Variants in CLSTN1 observed in about 807,000 individuals in gnomAD.
CLSTN1 encodes the protein calsyntenin 1.
In CLSTN1, 28 loss-of-function variants were observed where a neutral mutation model predicts 108.3. The observed-to-expected ratio is 0.26, with a 90% CI of 0.19 to 0.35. The LOEUF (loss-of-function observed/expected upper bound fraction) is 0.35. Among genes scored for constraint, CLSTN1 ranks in the 10% least tolerant of loss-of-function variants. The pLI, the probability that CLSTN1 is intolerant of heterozygous loss-of-function variation, is 1.00. For synonymous variants in CLSTN1, 524 were observed against 534.9 expected (o/e 0.98, Z 0.28); for missense variants, 1,157 against 1,302.6 (o/e 0.89, Z 1.72).
In CLSTN1 at chr1:9,731,257, G is replaced by T; in HGVS notation, c.2697C>A (p.Asn899Lys). The change falls in exon 18 of 19, where the codon AAC becomes AAA. Residue 899 changes from asparagine to lysine, a missense_variant. Transcript: ENST00000377298. ...GGGCAGAGTCGTCCCAGTCCATCTCGTTCTCCTTCCCGGTGTCCTGATCCC... is the reference window on the plus strand; with the variant it reads ...GGGCAGAGTCGTCCCAGTCCATCTCTTTCTCCTTCCCGGTGTCCTGATCCC... ...TMRDQDTGKE[N>K]EMDWDDSALT... 6.2e-7 allele frequency: 1 copy of T among 1,614,216 alleles called. No homozygotes were observed. Among genetic ancestry groups the T allele is most frequent in the Non-Finnish European group, 8.5e-7 (1 of 1,180,050 alleles).
rs189528724 is a variant in CLSTN1, at chr1:9,816,110, T to C, written c.91+7533A>G. ...AGCTACAAAGTGGAAATAACCCAAA[T>C]GTCCATCAGTGAATAAATGGATAAA... is the stretch of plus-strand genomic sequence containing the variant. On this transcript the variant is annotated intron_variant, in intron 1 of 18. Coordinates refer to ENST00000377298, the MANE Select transcript of CLSTN1 (RefSeq NM_001009566.3). 2.0e-4 allele frequency among the ~76,000 whole-genome samples: 31 copies of C among 152,268 alleles called. No homozygotes were observed. The East Asian group carries it at 4.6e-3, about 23-fold the overall frequency.
intron 1 of CLSTN1, among the ~76,000 whole-genome samples, chr1:9,786,336 A>T (rs1464166306): frequency 6.6e-6 from 1 of 152,116 alleles, no homozygotes; most frequent in Admixed American, 6.5e-5. Flanking sequence ...GTTACACACA[A>T]TGCAGCTGTT....
intron 11 of CLSTN1, among the ~76,000 whole-genome samples, chr1:9,736,893 C>T (rs189907943): frequency 6.6e-6 from 1 of 151,890 alleles, no homozygotes; most frequent in African/African-American, 2.4e-5. Flanking sequence ...GCGAACATGG[C>T]GAAACCCCGT....
At chr1:9,754,912 C>G (rs1262974055) in intron 4 of CLSTN1, among the ~76,000 whole-genome samples, 1 of 152,164 alleles carries the variant, frequency 6.6e-6, no homozygotes, top group South Asian at 2.1e-4. Flanking sequence ...GAGCAAGGCT[C>G]TTGCTAGAAA....
chr1:9,758,727 C>T (rs1469787458), intron 2 of CLSTN1, among the ~76,000 whole-genome samples: 1 of 152,136 alleles, frequency 6.6e-6, no homozygotes, highest in African/African-American at 2.4e-5. Context: ...ATCCACGGGT[C>T]AAAACATGTA....
chr1:9,750,367 G>A lies in CLSTN1; in HGVS notation c.650-454C>T, dbSNP rs901817761. On this transcript the variant is annotated intron_variant, in intron 5 of 18. Transcript: ENST00000377298. ...TGGTGAGTATAGATCTCTGGAAAGTGTTTGCAATGTCCATAATTCCATCAA... is the reference window on the plus strand; with the variant it reads ...TGGTGAGTATAGATCTCTGGAAAGTATTTGCAATGTCCATAATTCCATCAA... 5.9e-5 allele frequency among the ~76,000 whole-genome samples: 9 copies of A among 152,080 alleles called. No homozygotes were observed. The East Asian group carries it at 1.7e-3, about 29-fold the overall frequency.
At chr1:9,794,600 C>T (rs971714764) in intron 1 of CLSTN1, among the ~76,000 whole-genome samples, 3 of 151,504 alleles carry the variant, frequency 2.0e-5, no homozygotes, top group African/African-American at 4.8e-5. Context: ...TGAACCACCA[C>T]GTCTGGCCTT....
chr1:9,810,238 G>C (rs1247382935), intron 1 of CLSTN1, among the ~76,000 whole-genome samples: 1 of 151,254 alleles, frequency 6.6e-6, no homozygotes, highest in African/African-American at 2.4e-5. Flanking sequence ...AACTTTGAGA[G>C]GCCGAGGCAG....
chr1:9,755,038 T>C lies in CLSTN1; in HGVS notation c.440+76A>G, dbSNP rs529218456. 1.9e-5 allele frequency: 23 copies of C among 1,241,252 alleles called. 1 individual carries two copies. In the East Asian group the frequency reaches 1.9e-4, roughly 10 times the overall value. The allele number at this position is 1,241,252 out of a possible 1,614,324, so 76.9% of individuals were successfully genotyped here. On this transcript the variant is annotated intron_variant, in intron 4 of 18. Coordinates refer to ENST00000377298, the MANE Select transcript of CLSTN1 (RefSeq NM_001009566.3). Reference sequence around the variant, plus strand: ...AAAAACAGTCTTGGGGAGCAGGCAATAGTCACTACTATTTTCGTTCTGCGC... The same window carrying C: ...AAAAACAGTCTTGGGGAGCAGGCAACAGTCACTACTATTTTCGTTCTGCGC...
At chr1:9,795,314 C>T (rs1178392060) in intron 1 of CLSTN1, among the ~76,000 whole-genome samples, 5 of 150,758 alleles carry the variant, frequency 3.3e-5, no homozygotes, top group African/African-American at 7.3e-5. Flanking sequence ...TACAGGCATG[C>T]GCCACCACGC....
chr1:9,784,872 C>A (rs1653408368), intron 1 of CLSTN1, among the ~76,000 whole-genome samples: 1 of 152,088 alleles, frequency 6.6e-6, no homozygotes, highest in South Asian at 2.1e-4. Flanking sequence ...AGTTTAAAAT[C>A]TCCAGCTGAT....
chr1:9,792,728 G>A (rs562252086), intron 1 of CLSTN1, among the ~76,000 whole-genome samples: 10 of 151,380 alleles, frequency 6.6e-5, no homozygotes, highest in East Asian at 2.0e-4. Context: ...ACAAGAGCAC[G>A]TTTGCAGGTA....
chr1:9,785,567 G>A (rs1653447638), intron 1 of CLSTN1, among the ~76,000 whole-genome samples: 1 of 152,050 alleles, frequency 6.6e-6, no homozygotes, highest in Non-Finnish European at 1.5e-5. Flanking sequence ...CAGCATCCCG[G>A]CCTCAAAACC....
At chr1:9,814,202 G>C (rs566093129) in intron 1 of CLSTN1, among the ~76,000 whole-genome samples, 1 of 149,752 alleles carries the variant, frequency 6.7e-6, no homozygotes, top group South Asian at 2.1e-4. Context: ...TTGAGTCCAG[G>C]AGTTTGAGAC....
Position 9,734,045 on chromosome 1 carries a change from C to T in CLSTN1, c.2208G>A (p.Leu736=), listed in dbSNP as rs761764990. 56 of 1,614,106 alleles carry T rather than the reference C, an allele frequency of 3.5e-5. 4 individuals carry two copies. The Admixed American group carries it at 9.0e-4, about 26-fold the overall frequency. The change falls in exon 15 of 19, where the codon CTG becomes CTA. Residue 736 remains leucine, a synonymous_variant. Transcript: ENST00000377298. The surrounding 1 kb of genome is among the most constrained non-coding windows in gnomAD (Gnocchi z 4.8). ...GCTGCAGGCGGGCCATGTCCACCTC[C>T]AGGCTCTCCTGCTCGTGGTTCAGCT... is the stretch of plus-strand genomic sequence containing the variant. ...GEELNHEQES[L]EVDMARLQQK...
chr1:9,745,299 T>C (rs1029645192), intron 7 of CLSTN1, among the ~76,000 whole-genome samples: 10 of 151,600 alleles, frequency 6.6e-5, no homozygotes, highest in African/African-American at 2.4e-4. Flanking sequence ...AATTATACCA[T>C]TTTAGTATAA....
At position 9,773,472 on chromosome 1, in the gene CLSTN1, C is replaced by A. The variant is rs913884809; in HGVS notation, c.92-78G>T. The A allele has an allele frequency of 8.6e-6, 12 of 1,399,044 alleles. No individual in the cohort carries two copies. In the East Asian group the frequency reaches 1.9e-4, roughly 22 times the overall value. 86.7% of individuals were successfully genotyped at this position (1,399,044 alleles called of 1,614,324 possible). On this transcript the variant is annotated intron_variant, in intron 1 of 18. Transcript: ENST00000377298. Reference sequence around the variant, plus strand: ...ACTCCACTACTTTTGAAGACACACACCTGCTATTAAAATAATAAAACTCTC... The same window carrying A: ...ACTCCACTACTTTTGAAGACACACAACTGCTATTAAAATAATAAAACTCTC...
intron 4 of CLSTN1, among the ~76,000 whole-genome samples, chr1:9,752,884 TA>T (rs1339719995): frequency 6.6e-6 from 1 of 151,690 alleles, no homozygotes; most frequent in Non-Finnish European, 1.5e-5. Context: ...AATAAATAAA[TA>T]AATAAAACAA....
In CLSTN1 at chr1:9,757,836, C is replaced by T. The variant is rs116437233; in HGVS notation, c.215-1326G>A. ...TTTCGCTGCCCCTCAACACACTGGGCCCTCACTGGTGGCACCTTCTCTCCC... is the reference window on the plus strand; with the variant it reads ...TTTCGCTGCCCCTCAACACACTGGGTCCTCACTGGTGGCACCTTCTCTCCC... On this transcript the variant is annotated intron_variant, in intron 2 of 18. Coordinates refer to ENST00000377298, the MANE Select transcript of CLSTN1 (RefSeq NM_001009566.3). Among the ~76,000 whole-genome samples, 1,472 of 152,290 alleles carry T rather than the reference C, an allele frequency of 9.7e-3. 11 individuals carry two copies. The highest frequency in any genetic ancestry group is 0.041 in the Middle Eastern group (12 of 294).
Sources: allele counts gnomAD v4.1 joint callset (sites outside exome capture counted in the v4.1 genomes callset), GRCh38; gene constraint gnomAD v4.1.1; non-coding constraint Gnocchi (gnomAD v3.1); transcripts MANE v1.5; gene names NCBI Gene and HGNC (gene_info 2026-07-23, HGNC 2026-07-21).